Variants in GPM6A observed in about 807,000 individuals in gnomAD.
GPM6A encodes the protein neuronal membrane glycoprotein M6-a.
GPM6A carries 7 observed loss-of-function variants against 32.1 expected under a neutral mutation model. That is an observed-to-expected ratio of 0.22 (90% confidence interval 0.12 to 0.41). The LOEUF (loss-of-function observed/expected upper bound fraction) is 0.41, where lower values mean the gene tolerates loss of function less well. Ranked by LOEUF, GPM6A falls within the 10% of genes least tolerant of loss-of-function variation. The pLI, the probability that GPM6A is intolerant of heterozygous loss-of-function variation, is 1.00. For missense variants in GPM6A, 235 were observed against 347.2 expected (o/e 0.68, Z 2.57); for synonymous variants, 130 against 123.4 (o/e 1.05, Z -0.35).
chr4:175,782,208 C>T (rs1459048815), intron 1 of GPM6A, among the ~76,000 whole-genome samples: 2 of 152,054 alleles, frequency 1.3e-5, no homozygotes, highest in Non-Finnish European at 2.9e-5. Context: ...TTTCACAGAC[C>T]ATTCTTCCAT....
chr4:175,731,396 C>T (rs1430087947), intron 1 of GPM6A, among the ~76,000 whole-genome samples: 1 of 152,130 alleles, frequency 6.6e-6, no homozygotes, highest in Non-Finnish European at 1.5e-5. Context: ...CAATTACTTC[C>T]TGAGACAACT....
At chr4:175,863,532 C>G (rs976752381) in intron 1 of GPM6A, among the ~76,000 whole-genome samples, 2 of 151,908 alleles carry the variant, frequency 1.3e-5, no homozygotes, top group African/African-American at 2.4e-5. Flanking sequence ...AATAAAGAGG[C>G]TGTAAACACT....
intron 6 of GPM6A, among the ~76,000 whole-genome samples, chr4:175,638,225 A>C (rs1740929498): frequency 6.6e-6 from 1 of 151,806 alleles, no homozygotes; most frequent in South Asian, 2.1e-4. Flanking sequence ...AAATATTATT[A>C]ATAATAAAGT....
intron 1 of GPM6A, among the ~76,000 whole-genome samples, chr4:175,917,809 T>C (rs1738542350): frequency 6.6e-6 from 1 of 151,744 alleles, no homozygotes; most frequent in Non-Finnish European, 1.5e-5. Context: ...AAAAAAAGCT[T>C]TCTAAAGAAA....
intron 2 of GPM6A, among the ~76,000 whole-genome samples, chr4:175,686,619 TC>T (rs1295595529): frequency 6.6e-6 from 1 of 152,170 alleles, no homozygotes; most frequent in African/African-American, 2.4e-5. Context: ...GAGCAGAATT[TC>T]CCCTACCAAT....
At chr4:175,729,915 T>C (rs1731345229) in intron 1 of GPM6A, among the ~76,000 whole-genome samples, 1 of 146,936 alleles carries the variant, frequency 6.8e-6, no homozygotes, top group African/African-American at 2.5e-5. Context: ...AAATAATATA[T>C]ATATTATTTA....
At chr4:175,953,714 A>G (rs1312493351) in intron 1 of GPM6A, among the ~76,000 whole-genome samples, 1 of 152,098 alleles carries the variant, frequency 6.6e-6, no homozygotes, top group Non-Finnish European at 1.5e-5. Flanking sequence ...AGCCTGACCA[A>G]CATGGAGAAA....
chr4:175,842,641 G>C (rs1275165558), intron 1 of GPM6A, among the ~76,000 whole-genome samples: 1 of 152,120 alleles, frequency 6.6e-6, no homozygotes, highest in Non-Finnish European at 1.5e-5. Context: ...ATGCTTCAGT[G>C]AGCCTTGACC....
chr4:175,850,231 A>AC (rs1222515698), intron 1 of GPM6A, among the ~76,000 whole-genome samples: 1 of 152,194 alleles, frequency 6.6e-6, no homozygotes, highest in Non-Finnish European at 1.5e-5. Flanking sequence ...AAGAGAGGGA[A>AC]CAGAGACATG....
At chr4:175,683,122 T>G (rs957109148) in intron 2 of GPM6A, among the ~76,000 whole-genome samples, 2 of 152,184 alleles carry the variant, frequency 1.3e-5, no homozygotes, top group African/African-American at 4.8e-5. Context: ...CTGAAGGCCT[T>G]GAGGGCCCAT....
intron 2 of GPM6A, among the ~76,000 whole-genome samples, chr4:175,700,065 G>T (rs1450953312): frequency 6.6e-6 from 1 of 151,818 alleles, no homozygotes; most frequent in Non-Finnish European, 1.5e-5. Context: ...ATTTCACCAT[G>T]TTGCTTAGGC....
chr4:175,720,243 A>G (rs1275740647), intron 1 of GPM6A, among the ~76,000 whole-genome samples: 1 of 152,224 alleles, frequency 6.6e-6, no homozygotes, highest in African/African-American at 2.4e-5. Context: ...TATTCTGCTC[A>G]CCACAGGACA....
chr4:175,695,087 G>A (rs1192305718), intron 2 of GPM6A, among the ~76,000 whole-genome samples: 1 of 152,194 alleles, frequency 6.6e-6, no homozygotes, highest in Non-Finnish European at 1.5e-5. Context: ...CAAGAGTTGA[G>A]GTTTGGAAGC....
chr4:175,833,154 G>C (rs1177372926), intron 1 of GPM6A, among the ~76,000 whole-genome samples: 1 of 152,182 alleles, frequency 6.6e-6, no homozygotes, highest in Non-Finnish European at 1.5e-5. Flanking sequence ...CTTCTCTGGA[G>C]AGGCTCTTAA....
chr4:175,773,495 T>A (rs915806707), intron 1 of GPM6A, among the ~76,000 whole-genome samples: 2 of 152,170 alleles, frequency 1.3e-5, no homozygotes, highest in Admixed American at 1.3e-4. Context: ...AAAAGGATGA[T>A]TCTCAAGATA....
At chr4:175,702,273 G>A (rs1253335099) in intron 1 of GPM6A, among the ~76,000 whole-genome samples, 4 of 152,062 alleles carry the variant, frequency 2.6e-5, no homozygotes, top group East Asian at 1.9e-4. Context: ...GGATAAAATC[G>A]GGGTAATTGG....
At chr4:175,893,099 G>A (rs925543323) in intron 1 of GPM6A, among the ~76,000 whole-genome samples, 9 of 152,138 alleles carry the variant, frequency 5.9e-5, no homozygotes, top group Admixed American at 5.2e-4. Context: ...GCTACTTAAT[G>A]GGTCTCCCCC....
At chr4:175,728,849 T>C (rs1300413739) in intron 1 of GPM6A, among the ~76,000 whole-genome samples, 1 of 152,188 alleles carries the variant, frequency 6.6e-6, no homozygotes, top group East Asian at 1.9e-4. Flanking sequence ...TTTCTGCTAC[T>C]GAGGCAAGTG....
At chr4:175,978,953 G>C (rs1486377597) in intron 1 of GPM6A, among the ~76,000 whole-genome samples, 4 of 145,660 alleles carry the variant, frequency 2.7e-5, no homozygotes, top group Non-Finnish European at 5.9e-5. Flanking sequence ...GCCTAAAACT[G>C]TCCATTTAAA....
Sources: gnomAD v4.1 joint callset for allele counts (sites outside exome capture counted in the v4.1 genomes callset) on GRCh38, gnomAD v4.1.1 for gene constraint, MANE v1.5 for transcripts, NCBI Gene and HGNC (gene_info 2026-07-23, HGNC 2026-07-21) for gene names.